The following FADS1 variants were observed in gnomAD, a reference collection of about 807,000 sequenced individuals.
FADS1 encodes fatty acid desaturase 1, also known as acyl-CoA (8-3)-desaturase.
A neutral mutation model predicts 61.6 loss-of-function variants in FADS1; 17 were observed. The observed-to-expected ratio is 0.28, with a 90% confidence interval of 0.19 to 0.41. The LOEUF is 0.41. FADS1 is among the 10% of genes least tolerant of loss of function. FADS1 has a pLI of 1.00. For synonymous variants in FADS1, 238 were observed against 258.7 expected, an observed-to-expected ratio of 0.92 and a Z score of 0.77; for missense variants, 387 against 650.9, an observed-to-expected ratio of 0.59 and a Z score of 4.41.
chr11:61,803,791 A>C lies in FADS1; in HGVS notation c.1054-24T>G. On this transcript the variant is annotated intron_variant, in intron 7 of 11. Transcript: ENST00000350997. This position sits in a 1 kb window ranked among gnomAD's most constrained non-coding sequence, Gnocchi z 4.3. ...TCCTATAGTGAGAAAAGCAGCGAGC[A>C]TAACAGTCACGAACAACTCTTCCTC... The C allele has an allele frequency of 6.4e-7, 1 of 1,563,358 alleles. No homozygotes were observed. Among genetic ancestry groups the C allele is most frequent in the South Asian group, 1.1e-5 (1 of 89,962 alleles).
intron 5 of FADS1, among the ~76,000 whole-genome samples, chr11:61,809,768 C>T (rs1378320412): frequency 2.6e-5 from 4 of 152,126 alleles, no homozygotes; most frequent in South Asian, 2.1e-4. Context: ...ATAATGGTAT[C>T]GGACATGTAA....
rs546978670 is a variant in FADS1, at chr11:61,802,704, A to G, written c.1454+97T>C. 18 of 1,546,996 alleles carry G rather than the reference A, an allele frequency of 1.2e-5. No individual in the cohort carries two copies. In the African/African-American group the frequency reaches 2.4e-4, roughly 21 times the overall value. On this transcript the variant is annotated intron_variant, in intron 11 of 11. Coordinates refer to ENST00000350997, the MANE Select transcript of FADS1 (RefSeq NM_013402.7). The surrounding 1 kb of genome is among the most constrained non-coding windows in gnomAD (Gnocchi z 4.2). Reference sequence around the variant, plus strand: ...GTGAACTCCATCCCACACGACTGGGAACACCTTCTGTTCACTCCCCACCCT... The same window carrying G: ...GTGAACTCCATCCCACACGACTGGGGACACCTTCTGTTCACTCCCCACCCT...
rs899724921 is a variant in FADS1 at position 61,803,573 on chromosome 11, C to G, written c.1151+97G>C. The stretch of plus-strand genomic sequence containing the variant: ...TTTCCCAAGCCAACTCCTGAAACAC[C>G]CACTGTTACCCAAAGCCCCAGCACG... On this transcript the variant is annotated intron_variant, in intron 8 of 11. Transcript: ENST00000350997. The surrounding 1 kb of genome is among the most constrained non-coding windows in gnomAD (Gnocchi z 4.3). 1.5e-6 allele frequency: 2 copies of G among 1,341,592 alleles called. No homozygotes were observed. 83.1% of individuals were successfully genotyped at this position (1,341,592 alleles called of 1,614,324 possible).
In FADS1 at chr11:61,801,978, T is replaced by C. The variant is rs2066858652; in HGVS notation, c.*433A>G. On this transcript the variant is annotated 3_prime_UTR_variant, in exon 12 of 12. Transcript: ENST00000350997. ...TCACTGCAACCTCCACCTCCCCGGT[T>C]CAAGCGATTCTCCTGCCTCAGCCTC... 1 of 188,510 alleles carries C rather than the reference T, an allele frequency of 5.3e-6. No individual in the cohort carries two copies. The highest frequency in any genetic ancestry group is 5.4e-5 in the Admixed American group (1 of 18,604). The allele number at this position is 188,510 out of a possible 1,614,324, so 11.7% of individuals were successfully genotyped here.
chr11:61,805,597 C>G (rs919819905), intron 6 of FADS1: 1 of 152,206 alleles, frequency 6.6e-6, no homozygotes, highest in Non-Finnish European at 1.5e-5. Flanking sequence ...TCGCCTTTCT[C>G]TATTCGTGAT....
At chr11:61,813,459 GT>G in intron 1 of FADS1, 106 bp from the exon 2 acceptor site, 1 of 697,880 alleles carries the variant, frequency 1.4e-6, no homozygotes. Flanking sequence ...CTGTACCCAA[GT>G]TGAAGTGAGA....
rs1230652304 is a variant in FADS1, at chr11:61,801,031, C to G, written c.*1380G>C. On this transcript the variant is annotated 3_prime_UTR_variant, in exon 12 of 12. Transcript: ENST00000350997. ...AACAAGAGTGGACAGAGTAAGATAC[C>G]TAGCTACAGCAATAGAAATCACAAA... 1 of 152,282 alleles carries G rather than the reference C, an allele frequency of 6.6e-6. No individual in the cohort carries two copies. Among genetic ancestry groups the G allele is most frequent in the Non-Finnish European group, 1.5e-5 (1 of 68,024 alleles). 9.4% of individuals were successfully genotyped at this position (152,282 alleles called of 1,614,324 possible). A position where few individuals can be genotyped will look rare whatever the true frequency, so the allele number is the denominator to read the frequency against.
chr11:61,804,091 G>A (rs956030538), intron 7 of FADS1: 3 of 379,238 alleles, frequency 7.9e-6, no homozygotes, highest in Middle Eastern at 7.6e-4. Flanking sequence ...GTCCATGCCA[G>A]TGCCCTGATC....
intron 5 of FADS1, among the ~76,000 whole-genome samples, chr11:61,808,643 G>C (rs1565319621): frequency 1.3e-5 from 2 of 152,236 alleles, no homozygotes; most frequent in Non-Finnish European, 2.9e-5. Context: ...GGAAGCAATG[G>C]ATGGGGCTCC....
chr11:61,804,705 T>C lies in FADS1; in HGVS notation c.1033A>G (p.Ile345Val). ...CTCACCACCCACTTCTTTCGCTGGA[T>C]AACAAAATAGAAAATATACCACTGG... is the stretch of plus-strand genomic sequence containing the variant. Reference protein sequence around the residue: ...YFQWYIFYFVIQRKKWVDLAW... With the variant: ...YFQWYIFYFVVQRKKWVDLAW... The change falls in exon 7 of 12, where the codon ATC becomes GTC. Residue 345 changes from isoleucine (I) to valine (V), a missense_variant. Physicochemically the swap from Ile to Val is conservative, Grantham distance 29 (BLOSUM62 3). This residue lies in a region of FADS1 where 257 missense variants were observed against 533.3 expected (regional missense o/e 0.48). Transcript: ENST00000350997. 2 of 1,614,030 alleles carry C rather than the reference T, an allele frequency of 1.2e-6. No individual in the cohort carries two copies. The highest frequency in any genetic ancestry group is 2.2e-5 in the East Asian group (1 of 44,880).
chr11:61,806,486 C>A, intron 6 of FADS1, 178 bp downstream of exon 6: 1 of 615,400 alleles, frequency 1.6e-6, no homozygotes, highest in Non-Finnish European at 2.9e-6. Flanking sequence ...CCTAACTTCA[C>A]TTCGCTCAGC....
In FADS1 at chr11:61,802,887, C is replaced by T. The variant is rs2135933938; in HGVS notation, c.1368G>A (p.Val456=). 2 of 1,614,146 alleles carry T rather than the reference C, an allele frequency of 1.2e-6. No homozygotes were observed. The highest frequency in any genetic ancestry group is 1.7e-5 in the Admixed American group (1 of 60,028). ...CACACAAGGACTGCACCAGGGGAGCCACTTTGTGGTAATTGTGTCGAGGCA... is the reference window on the plus strand; with the variant it reads ...CACACAAGGACTGCACCAGGGGAGCTACTTTGTGGTAATTGTGTCGAGGCA... ...PTMPRHNYHK[V]APLVQSLCAK... is the part of the protein sequence containing the mutation. The change falls in exon 11 of 12, where the codon GTG becomes GTA. Residue 456 remains valine (V), a synonymous_variant. Transcript: ENST00000350997. The surrounding 1 kb of genome is among the most constrained non-coding windows in gnomAD (Gnocchi z 4.2).
chr11:61,804,637 T>C (rs760291992), intron 7 of FADS1, 48 bp downstream of exon 7: 1 of 1,533,228 alleles, frequency 6.5e-7, no homozygotes, highest in South Asian at 1.1e-5. Context: ...TCCCCCACTC[T>C]GGGTGCTGGA....
chr11:61,804,800 A>C, intron 6 of FADS1, 39 bp from the exon 7 acceptor site: 1 of 1,572,706 alleles, frequency 6.4e-7, no homozygotes, highest in Non-Finnish European at 8.8e-7. Flanking sequence ...GCATGAGCAC[A>C]GGAAGGTCAT....
chr11:61,813,497 C>G (rs1238261712), intron 1 of FADS1, 144 bp from the exon 2 acceptor site: 4 of 617,958 alleles, frequency 6.5e-6, no homozygotes, highest in Admixed American at 5.9e-5. Flanking sequence ...CTTCCTGGGT[C>G]GAGTGCAGAC....
chr11:61,810,476 T>G (rs2066923646), intron 5 of FADS1, among the ~76,000 whole-genome samples: 1 of 152,140 alleles, frequency 6.6e-6, no homozygotes, highest in South Asian at 2.1e-4. Context: ...ATCATTTGGA[T>G]CCTTCTGGTC....
chr11:61,807,953 G>A lies in FADS1; in HGVS notation c.916-1229C>T, dbSNP rs369881105. Among the ~76,000 whole-genome samples the A allele has an allele frequency of 4.6e-5, 7 of 152,330 alleles. No homozygotes were observed. The East Asian group carries it at 1.2e-3, about 25-fold the overall frequency. On this transcript the variant is annotated intron_variant, in intron 5 of 11. Transcript: ENST00000350997. ...CAGCACCTACTGTGTGCCGGGCTAT[G>A]TTCTAGATGCTTAGGATACAGAGGT...
Position 61,803,066 on chromosome 11 carries a change from A to G in FADS1, c.1294T>C (p.Phe432Leu). ...NVHKSAFNDW[F>L]SGHLNFQIEH... The stretch of plus-strand genomic sequence containing the variant: ...ATCTGGAAGTTGAGGTGTCCACTGA[A>G]CCAGTCATTGAAGGCAGACTTGTGG... Residue 432 changes from phenylalanine (F) to leucine (L), a missense_variant, in exon 10 of 12, where the codon TTC becomes CTC. This residue lies in a region of FADS1 where 257 missense variants were observed against 533.3 expected (regional missense o/e 0.48). Transcript: ENST00000350997. This position sits in a 1 kb window ranked among gnomAD's most constrained non-coding sequence, Gnocchi z 4.3. 1 of 1,614,144 alleles carries G rather than the reference A, an allele frequency of 6.2e-7. No homozygotes were observed. Among genetic ancestry groups the G allele is most frequent in the Non-Finnish European group, 8.5e-7 (1 of 1,180,020 alleles).
Position 61,816,573 on chromosome 11 carries a change from G to T in FADS1, c.357C>A (p.Tyr119Ter), listed in dbSNP as rs1342805968. The part of the protein sequence containing the change: ...HPGGSRVISH[Y>*]AGQDATDPFV... ...CGCTCACCGTGGCATCCTGCCCGGC[G>T]TAGTGGCTGATGACCCGGGAGCCCC... The change falls in exon 1 of 12, where the codon TAC becomes TAA. Residue 119 changes from tyrosine (Y) to a stop codon, truncating the protein, a stop_gained. Transcript: ENST00000350997. LOFTEE classifies it high-confidence loss of function. This position sits in a 1 kb window ranked among gnomAD's most constrained non-coding sequence, Gnocchi z 7.0. 1 of 1,608,126 alleles carries T rather than the reference G, an allele frequency of 6.2e-7. No homozygotes were observed. The highest frequency in any genetic ancestry group is 2.2e-5 in the East Asian group (1 of 44,638).
Sources: gnomAD v4.1 joint callset for allele counts (sites outside exome capture counted in the v4.1 genomes callset) on GRCh38, gnomAD v4.1.1 for gene constraint, gnomAD v4.1.1 regional missense constraint, Gnocchi (gnomAD v3.1) non-coding constraint, MANE v1.5 for transcripts, NCBI Gene and HGNC (gene_info 2026-07-23, HGNC 2026-07-21) for gene names.